The following TDRD7 variants were observed in gnomAD, a reference collection of about 807,000 sequenced individuals.
TDRD7 encodes the protein tudor domain-containing protein 7.
A neutral mutation model predicts 109.8 loss-of-function variants in TDRD7; 47 were observed. That is an observed-to-expected ratio of 0.43 (90% confidence interval 0.34 to 0.55). TDRD7 has a LOEUF of 0.55. TDRD7 is among the 20% of genes least tolerant of loss of function. The pLI is 0.03. For missense variants in TDRD7, 1,164 were observed against 1,319.2 expected, an observed-to-expected ratio of 0.88 and a Z score of 1.82; for synonymous variants, 424 against 457.3, an observed-to-expected ratio of 0.93 and a Z score of 0.93.
At chr9:97,483,479 G>C (rs1340649393) in intron 15 of TDRD7, 128 bp downstream of exon 15, 1 of 1,164,146 alleles carries the variant, frequency 8.6e-7, no homozygotes, top group Non-Finnish European at 1.2e-6. Flanking sequence ...AACAAACACA[G>C]TAATTTTTCC....
At chr9:97,417,884 T>G (rs1383770114) in intron 1 of TDRD7, among the ~76,000 whole-genome samples, 3 of 152,204 alleles carry the variant, frequency 2.0e-5, no homozygotes, top group Non-Finnish European at 4.4e-5. Flanking sequence ...CCCAGCACTT[T>G]GGGAGGCCAA....
At chr9:97,461,639 C>T (rs117098653) in intron 7 of TDRD7, among the ~76,000 whole-genome samples, 5 of 152,270 alleles carry the variant, frequency 3.3e-5, no homozygotes, top group South Asian at 2.1e-4. Context: ...ATGCAGAATA[C>T]GTGGAAAATA....
intron 6 of TDRD7, among the ~76,000 whole-genome samples, chr9:97,445,003 T>C (rs775500427): frequency 8.5e-5 from 13 of 152,168 alleles, no homozygotes; most frequent in Non-Finnish European, 1.3e-4. Context: ...ACCTTTTGGG[T>C]CTGTCCAGTA....
Position 97,416,063 on chromosome 9 carries a change from A to G in TDRD7, c.-7+3825A>G, listed in dbSNP as rs1587854351. On this transcript the variant is annotated intron_variant, in intron 1 of 16. Transcript: ENST00000355295. ...TTGAAATCAGACTGGCAAGTCGTGCATTTGAATACAATCACATTTAGCCTT... is the reference window on the plus strand; with the variant it reads ...TTGAAATCAGACTGGCAAGTCGTGCGTTTGAATACAATCACATTTAGCCTT... Among the ~76,000 whole-genome samples, 2 of 152,196 alleles carry G rather than the reference A, an allele frequency of 1.3e-5. 1 individual carries two copies. Among genetic ancestry groups the G allele is most frequent in the East Asian group, 3.8e-4 (2 of 5,200 alleles).
At chr9:97,444,206 C>T (rs1445446695) in intron 6 of TDRD7, among the ~76,000 whole-genome samples, 3 of 152,142 alleles carry the variant, frequency 2.0e-5, no homozygotes, top group African/African-American at 7.2e-5. Flanking sequence ...TCCGTCCAAG[C>T]AATGAGAGTC....
chr9:97,480,933 A>G lies in TDRD7; in HGVS notation c.2407A>G (p.Ile803Val), dbSNP rs1401744667. ...DSVLNCSDCS[I>V]KVTKVDETRG... ...TGTTTTGAATTGCTCGGACTGTAGC[A>G]TTAAGGTTAGCTATCTTGTTGGGCC... Residue 803 changes from isoleucine (I) to valine (V), a missense_variant, in exon 14 of 17, where the codon ATT becomes GTT. This residue lies in a region of TDRD7 where 233 missense variants were observed against 218.0 expected (regional missense o/e 1.07). Transcript: ENST00000355295. The G allele has an allele frequency of 1.9e-6, 3 of 1,613,476 alleles. No individual in the cohort carries two copies. Among genetic ancestry groups the G allele is most frequent in the Admixed American group, 3.3e-5 (2 of 59,994 alleles).
At chr9:97,484,402 G>T (rs1170930413) in intron 15 of TDRD7, among the ~76,000 whole-genome samples, 1 of 151,944 alleles carries the variant, frequency 6.6e-6, no homozygotes, top group East Asian at 1.9e-4. Flanking sequence ...TCCTTTGCCA[G>T]CTTGCTTAGG....
intron 9 of TDRD7, among the ~76,000 whole-genome samples, chr9:97,471,044 G>A (rs1363433675): frequency 6.6e-6 from 1 of 152,088 alleles, no homozygotes; most frequent in Non-Finnish European, 1.5e-5. Flanking sequence ...GAGATGTACT[G>A]TGGTGATGCT....
At chr9:97,420,364 T>G (rs867239375) in intron 1 of TDRD7, among the ~76,000 whole-genome samples, 2,867 of 66,868 alleles carry the variant, frequency 0.043, 67 homozygotes, top group Middle Eastern at 0.062. Flanking sequence ...AACTTTTTTT[T>G]GGGGGGGGCG....
At chr9:97,436,527 T>C (rs989159126) in intron 4 of TDRD7, among the ~76,000 whole-genome samples, 2 of 152,160 alleles carry the variant, frequency 1.3e-5, no homozygotes, top group African/African-American at 4.8e-5. Flanking sequence ...CCTCAGTTTG[T>C]TTAATTATTG....
At chr9:97,422,026 G>A (rs1827908779) in intron 1 of TDRD7, among the ~76,000 whole-genome samples, 1 of 151,960 alleles carries the variant, frequency 6.6e-6, no homozygotes, top group Non-Finnish European at 1.5e-5. Flanking sequence ...TTCATTATTT[G>A]CATATGAATG....
intron 9 of TDRD7, 83 bp from the exon 10 acceptor site, chr9:97,472,210 G>T (rs947533573): frequency 4.9e-5 from 61 of 1,253,746 alleles, no homozygotes; most frequent in Non-Finnish European, 6.9e-5. Flanking sequence ...TTTTAATAAT[G>T]GTCAAAACAG....
intron 13 of TDRD7, chr9:97,480,604 G>A (rs1829099870): frequency 3.8e-6 from 2 of 530,952 alleles, no homozygotes; most frequent in South Asian, 3.7e-5. Flanking sequence ...GGAGTGCTGG[G>A]GGTAAGCCCT....
chr9:97,428,663 A>G lies in TDRD7; in HGVS notation c.198A>G (p.Arg66=). 2 of 1,613,668 alleles carry G rather than the reference A, an allele frequency of 1.2e-6. No individual in the cohort carries two copies. Among genetic ancestry groups the G allele is most frequent in the Non-Finnish European group, 1.7e-6 (2 of 1,179,872 alleles). The change falls in exon 2 of 17, where the codon AGA becomes AGG. Residue 66 remains arginine (R), a synonymous_variant. Coordinates refer to ENST00000355295, the MANE Select transcript of TDRD7 (RefSeq NM_014290.3). ...CAGTGGTCAGGATAGAGACTAGTAG[A>G]TCTGGAGAGGTAAGAAGGTAATTGT... The part of the protein sequence containing the change: ...VPAVVRIETS[R]SGEITCYAMA...
At chr9:97,433,171 C>A (rs1828134501) in intron 4 of TDRD7, among the ~76,000 whole-genome samples, 1 of 151,890 alleles carries the variant, frequency 6.6e-6, no homozygotes, top group Non-Finnish European at 1.5e-5. Context: ...AAGATAATTT[C>A]CCCCCAGGAA....
intron 16 of TDRD7, among the ~76,000 whole-genome samples, chr9:97,494,308 G>A (rs1829358020): frequency 6.6e-6 from 1 of 152,218 alleles, no homozygotes; most frequent in African/African-American, 2.4e-5. Context: ...CAACACCAGT[G>A]AGTTGTTGCT....
Position 97,437,494 on chromosome 9 carries a change from A to G in TDRD7, c.564-1751A>G, listed in dbSNP as rs1023549675. 4.6e-5 allele frequency among the ~76,000 whole-genome samples: 7 copies of G among 152,292 alleles called. No homozygotes were observed. In the South Asian group the frequency reaches 1.2e-3, roughly 27 times the overall value. Reference sequence around the variant, plus strand: ...TTGAAATTAGAATCTTCTGTAATCTAGTTATTTGTGATCCCTTCAGCCTTG... The same window carrying G: ...TTGAAATTAGAATCTTCTGTAATCTGGTTATTTGTGATCCCTTCAGCCTTG... On this transcript the variant is annotated intron_variant, in intron 4 of 16. Coordinates refer to ENST00000355295, the MANE Select transcript of TDRD7 (RefSeq NM_014290.3).
At chr9:97,423,547 T>G (rs1292724374) in intron 1 of TDRD7, among the ~76,000 whole-genome samples, 1 of 152,088 alleles carries the variant, frequency 6.6e-6, no homozygotes, top group Non-Finnish European at 1.5e-5. Flanking sequence ...CTCTCACCTT[T>G]ATTTCCTTTC....
intron 1 of TDRD7, among the ~76,000 whole-genome samples, chr9:97,415,938 A>C (rs1827804017): frequency 6.6e-6 from 1 of 152,236 alleles, no homozygotes; most frequent in African/African-American, 2.4e-5. Context: ...AACTCAGAGC[A>C]TTTCCAAAGT....
Sources: allele counts gnomAD v4.1 joint callset (sites outside exome capture counted in the v4.1 genomes callset), GRCh38; gene constraint gnomAD v4.1.1; regional missense constraint gnomAD v4.1.1; transcripts MANE v1.5; gene names NCBI Gene and HGNC (gene_info 2026-07-23, HGNC 2026-07-21).